The following NRG3 variants were observed in gnomAD, a reference collection of about 807,000 sequenced individuals.
NRG3 encodes neuregulin 3.
NRG3 carries 31 observed loss-of-function variants against 66.9 expected under a neutral mutation model. That is an observed-to-expected ratio of 0.46 (90% CI 0.35 to 0.63). NRG3 has a LOEUF of 0.63. Among genes scored for constraint, NRG3 ranks in the 20% least tolerant of loss-of-function variants. The pLI, the probability that NRG3 is intolerant of heterozygous loss-of-function variation, is 0.00. For synonymous variants in NRG3, 393 were observed against 359.4 expected (o/e 1.09, Z -1.06); for missense variants, 910 against 878.9 (o/e 1.04, Z -0.45).
At chr10:82,957,699 T>A (rs1377766025) in intron 5 of NRG3, among the ~76,000 whole-genome samples, 1 of 151,120 alleles carries the variant, frequency 6.6e-6, no homozygotes, top group Non-Finnish European at 1.5e-5. Context: ...ACTGGCACCA[T>A]CCTTTCTATT....
chr10:82,386,994 C>G (rs1010326029), intron 2 of NRG3, among the ~76,000 whole-genome samples: 1 of 151,962 alleles, frequency 6.6e-6, no homozygotes, highest in Non-Finnish European at 1.5e-5. Context: ...GATATGGGAT[C>G]TCACCATGTT....
chr10:82,488,563 G>A (rs1842861670), intron 2 of NRG3, among the ~76,000 whole-genome samples: 1 of 152,184 alleles, frequency 6.6e-6, no homozygotes, highest in South Asian at 2.1e-4. Context: ...ACTTTAGTCT[G>A]AATAACTACA....
intron 2 of NRG3, among the ~76,000 whole-genome samples, chr10:82,531,893 C>T (rs1447269856): frequency 1.3e-5 from 2 of 151,818 alleles, no homozygotes; most frequent in Non-Finnish European, 1.5e-5. Flanking sequence ...TACAGCAGTT[C>T]TCTAGAGCTT....
chr10:81,933,107 C>CAAAAAAAAAAAAA (rs769607380), intron 1 of NRG3, among the ~76,000 whole-genome samples: 2 of 59,442 alleles, frequency 3.4e-5, no homozygotes, highest in African/African-American at 5.1e-5. Context: ...CGCTCCATCT[C>CAAAAAAAAAAAAA]AAAAAAAAAA....
At chr10:82,191,486 T>C (rs894200217) in intron 1 of NRG3, among the ~76,000 whole-genome samples, 1 of 152,116 alleles carries the variant, frequency 6.6e-6, no homozygotes, top group African/African-American at 2.4e-5. Flanking sequence ...TATTTCTACA[T>C]TGACAGCTAC....
At chr10:82,128,116 T>G (rs984014956) in intron 1 of NRG3, among the ~76,000 whole-genome samples, 4 of 151,946 alleles carry the variant, frequency 2.6e-5, no homozygotes, top group African/African-American at 7.2e-5. Context: ...TTGGCCTTCC[T>G]TCTACCCGTC....
chr10:82,831,151 G>A (rs2062500319), intron 3 of NRG3, among the ~76,000 whole-genome samples: 1 of 152,140 alleles, frequency 6.6e-6, no homozygotes, highest in African/African-American at 2.4e-5. Context: ...CCTTTGAGAT[G>A]AACTGGTCCT....
chr10:82,610,495 C>A (rs1392068043), intron 2 of NRG3, among the ~76,000 whole-genome samples: 1 of 152,104 alleles, frequency 6.6e-6, no homozygotes, highest in Non-Finnish European at 1.5e-5. Context: ...TTTCATGAAA[C>A]AATGACTGGC....
intron 4 of NRG3, among the ~76,000 whole-genome samples, chr10:82,889,003 C>A (rs919740243): frequency 1.3e-5 from 2 of 152,140 alleles, no homozygotes; most frequent in South Asian, 2.1e-4. Flanking sequence ...AGAAAGGTTA[C>A]CAGGACCCAG....
intron 1 of NRG3, among the ~76,000 whole-genome samples, chr10:82,331,092 A>G (rs1284259223): frequency 6.6e-6 from 1 of 152,134 alleles, no homozygotes; most frequent in East Asian, 1.9e-4. Flanking sequence ...TGACCTGAGG[A>G]CTCAGCTCTG....
chr10:82,351,026 G>T (rs1039886669), intron 1 of NRG3, among the ~76,000 whole-genome samples: 1 of 152,080 alleles, frequency 6.6e-6, no homozygotes, highest in Non-Finnish European at 1.5e-5. Context: ...CAAGTAGCTG[G>T]GACTACAGGC....
chr10:82,617,949 C>T (rs759760486), intron 2 of NRG3, among the ~76,000 whole-genome samples: 6 of 152,138 alleles, frequency 3.9e-5, no homozygotes, highest in Admixed American at 1.3e-4. Context: ...GAGAATGTAG[C>T]TTCTCATGAA....
At chr10:82,432,199 T>C (rs2089857939) in intron 2 of NRG3, among the ~76,000 whole-genome samples, 1 of 152,314 alleles carries the variant, frequency 6.6e-6, no homozygotes, top group South Asian at 2.1e-4. Context: ...GAAAAAATTG[T>C]ATCTGTTCCT....
chr10:82,276,230 A>T (rs1227349460), intron 1 of NRG3, among the ~76,000 whole-genome samples: 1 of 152,028 alleles, frequency 6.6e-6, no homozygotes, highest in African/African-American at 2.4e-5. Flanking sequence ...TAATGTAAAC[A>T]GTAAATACAC....
chr10:82,247,984 C>G (rs1379905019), intron 1 of NRG3, among the ~76,000 whole-genome samples: 2 of 152,136 alleles, frequency 1.3e-5, no homozygotes, highest in Non-Finnish European at 2.9e-5. Context: ...TTACTTAACT[C>G]CATCAGAATT....
chr10:82,308,661 G>A (rs1435853506), intron 1 of NRG3, among the ~76,000 whole-genome samples: 1 of 152,188 alleles, frequency 6.6e-6, no homozygotes, highest in Admixed American at 6.5e-5. Context: ...CTGTTTTTTA[G>A]TTCAAGTATT....
At chr10:82,016,285 G>T (rs1408749149) in intron 1 of NRG3, among the ~76,000 whole-genome samples, 4 of 152,072 alleles carry the variant, frequency 2.6e-5, no homozygotes, top group African/African-American at 9.7e-5. Context: ...GTGGTTAGCC[G>T]ATTGGAGAAG....
chr10:82,185,703 A>G (rs2073760448), intron 1 of NRG3, among the ~76,000 whole-genome samples: 1 of 152,186 alleles, frequency 6.6e-6, no homozygotes, highest in African/African-American at 2.4e-5. Context: ...GCAGAAACCT[A>G]GGGTGGACAA....
chr10:82,189,282 T>C (rs894425285), intron 1 of NRG3, among the ~76,000 whole-genome samples: 2 of 152,154 alleles, frequency 1.3e-5, no homozygotes, highest in African/African-American at 4.8e-5. Context: ...TTTACCAAAA[T>C]AATAGAGTTA....
Sources: allele counts gnomAD v4.1 joint callset (sites outside exome capture counted in the v4.1 genomes callset), GRCh38; gene constraint gnomAD v4.1.1; transcripts MANE v1.5; gene names NCBI Gene and HGNC (gene_info 2026-07-23, HGNC 2026-07-21).